HCN1: variants seen among roughly 807,000 people sequenced by gnomAD.
HCN1 encodes hyperpolarization activated cyclic nucleotide gated potassium channel 1.
HCN1 carries 13 observed loss-of-function variants against 78.9 expected under a neutral mutation model. The observed-to-expected ratio is 0.16, with a 90% confidence interval of 0.11 to 0.26. The LOEUF (loss-of-function observed/expected upper bound fraction) is 0.26. HCN1 is among the 10% of genes least tolerant of loss of function. The pLI is 1.00. For synonymous variants in HCN1, 552 were observed against 455.5 expected (o/e 1.21, Z -2.70); for missense variants, 810 against 1,154.3 (o/e 0.70, Z 4.32).
In HCN1 at chr5:45,638,533, C is replaced by A. The variant is rs188371446; in HGVS notation, c.849+6652G>T. Among the ~76,000 whole-genome samples the A allele has an allele frequency of 3.9e-5, 6 of 152,242 alleles. No homozygotes were observed. In the East Asian group the frequency reaches 1.2e-3, roughly 29 times the overall value. On this transcript the variant is annotated intron_variant, in intron 2 of 7. Transcript: ENST00000303230. ...TACAGATCTGCCACGGGGCGCTGAC[C>A]AAAGAGCATTCATAAAATTAAGCCT...
chr5:45,347,378 G>A (rs376079641), intron 5 of HCN1, among the ~76,000 whole-genome samples: 22 of 152,174 alleles, frequency 1.4e-4, no homozygotes, highest in South Asian at 8.3e-4. Flanking sequence ...CATCACCATC[G>A]TCAAAGAACA....
chr5:45,387,077 C>A (rs961725125), intron 4 of HCN1, among the ~76,000 whole-genome samples: 2 of 151,696 alleles, frequency 1.3e-5, no homozygotes, highest in African/African-American at 4.8e-5. Flanking sequence ...ATGTTTTGAT[C>A]CTTTAAGTAA....
rs370583426 is a variant in HCN1 at position 45,674,513 on chromosome 5, ATATT to A, written c.425+21152_425+21155del. Among the ~76,000 whole-genome samples, 66 of 151,914 alleles carry A rather than the reference ATATT, an allele frequency of 4.3e-4. 1 individual carries two copies. The East Asian group carries it at 7.2e-3, about 16-fold the overall frequency. ...CAAAGTTTTGCAAGAATGAAAGAGA[ATATT>A]TATTTTGTTAATTACACAAGTATTA... On this transcript the variant is annotated intron_variant, in intron 1 of 7. Coordinates refer to ENST00000303230, the MANE Select transcript of HCN1 (RefSeq NM_021072.4).
chr5:45,655,017 T>G (rs1466842097), intron 1 of HCN1, among the ~76,000 whole-genome samples: 4 of 152,152 alleles, frequency 2.6e-5, no homozygotes, highest in Non-Finnish European at 4.4e-5. Flanking sequence ...TATTAATACA[T>G]AAGATGCCAA....
chr5:45,565,720 T>A (rs972825790), intron 2 of HCN1, among the ~76,000 whole-genome samples: 3 of 151,984 alleles, frequency 2.0e-5, no homozygotes, highest in Admixed American at 6.6e-5. Context: ...GGGAGGATGG[T>A]TTGTTCCCTG....
At chr5:45,570,921 T>G (rs953604302) in intron 2 of HCN1, among the ~76,000 whole-genome samples, 1 of 152,124 alleles carries the variant, frequency 6.6e-6, no homozygotes, top group Admixed American at 6.6e-5. Flanking sequence ...TTCTATTCTA[T>G]CATGCTCATA....
chr5:45,444,779 TC>T (rs2111578133), intron 3 of HCN1, among the ~76,000 whole-genome samples: 1 of 151,908 alleles, frequency 6.6e-6, no homozygotes, highest in African/African-American at 2.4e-5. Context: ...TTTATTCTTT[TC>T]TTTTTTTCTT....
intron 1 of HCN1, among the ~76,000 whole-genome samples, chr5:45,689,199 G>A (rs142434826): frequency 3.3e-4 from 50 of 152,056 alleles, no homozygotes; most frequent in East Asian, 1.7e-3. Flanking sequence ...TAATAATTAG[G>A]TGATGGGATG....
intron 4 of HCN1, among the ~76,000 whole-genome samples, chr5:45,362,346 A>T (rs770851755): frequency 6.6e-6 from 1 of 151,982 alleles, no homozygotes; most frequent in Non-Finnish European, 1.5e-5. Context: ...CCTTCCCTCA[A>T]CAGTTTCTTT....
At chr5:45,438,613 A>C (rs1410609385) in intron 3 of HCN1, among the ~76,000 whole-genome samples, 1 of 151,732 alleles carries the variant, frequency 6.6e-6, no homozygotes, top group Non-Finnish European at 1.5e-5. Context: ...CAAAACAAAC[A>C]AAAAAAGAAA....
chr5:45,451,714 A>T (rs1400157099), intron 3 of HCN1, among the ~76,000 whole-genome samples: 1 of 151,984 alleles, frequency 6.6e-6, no homozygotes, highest in East Asian at 1.9e-4. Context: ...AAAACACAAC[A>T]TCAATTAAAA....
At chr5:45,329,921 G>A (rs751941426) in intron 5 of HCN1, among the ~76,000 whole-genome samples, 1 of 151,266 alleles carries the variant, frequency 6.6e-6, no homozygotes, top group Non-Finnish European at 1.5e-5. Context: ...TACAGAATAA[G>A]TTGGGGCAGT....
At chr5:45,289,014 C>T (rs539275011) in intron 6 of HCN1, among the ~76,000 whole-genome samples, 12 of 152,152 alleles carry the variant, frequency 7.9e-5, no homozygotes, top group African/African-American at 2.9e-4. Flanking sequence ...TGAACCTATT[C>T]ATGTAGCAGA....
chr5:45,593,007 T>C (rs978482465), intron 2 of HCN1, among the ~76,000 whole-genome samples: 1 of 152,222 alleles, frequency 6.6e-6, no homozygotes, highest in African/African-American at 2.4e-5. Context: ...CAAATATTTT[T>C]ATTTTAAAAT....
intron 2 of HCN1, among the ~76,000 whole-genome samples, chr5:45,589,659 T>A (rs774096067): frequency 2.6e-4 from 39 of 152,338 alleles, no homozygotes; most frequent in Non-Finnish European, 4.0e-4. Flanking sequence ...CTATATGTGC[T>A]TTCTAGAGAG....
intron 5 of HCN1, among the ~76,000 whole-genome samples, chr5:45,335,885 G>T (rs112269838): frequency 6.6e-6 from 1 of 152,032 alleles, no homozygotes. Flanking sequence ...AGTTAGTAGC[G>T]GAGCTGGATT....
At chr5:45,334,008 G>A (rs569827747) in intron 5 of HCN1, among the ~76,000 whole-genome samples, 61 of 151,556 alleles carry the variant, frequency 4.0e-4, no homozygotes, top group African/African-American at 1.4e-3. Flanking sequence ...TCTTGAGTTC[G>A]GTTTCCAATT....
chr5:45,547,756 C>T (rs1279574640), intron 2 of HCN1, among the ~76,000 whole-genome samples: 1 of 151,694 alleles, frequency 6.6e-6, no homozygotes, highest in Non-Finnish European at 1.5e-5. Flanking sequence ...ATTTGATAAG[C>T]AAATATTCAA....
chr5:45,679,105 G>C (rs1236424973), intron 1 of HCN1, among the ~76,000 whole-genome samples: 2 of 152,040 alleles, frequency 1.3e-5, no homozygotes, highest in Non-Finnish European at 2.9e-5. Flanking sequence ...ATCAGCATAT[G>C]ACTGAATACC....
Sources: gnomAD v4.1 joint callset for allele counts (sites outside exome capture counted in the v4.1 genomes callset) on GRCh38, gnomAD v4.1.1 for gene constraint, MANE v1.5 for transcripts, NCBI Gene and HGNC (gene_info 2026-07-23, HGNC 2026-07-21) for gene names.